The following CNTN6 variants were observed in gnomAD, a reference collection of about 807,000 sequenced individuals.
CNTN6 encodes the protein contactin 6.
CNTN6 carries 137 observed loss-of-function variants against 122.8 expected under a neutral mutation model. The observed-to-expected ratio is 1.12, with a 90% CI of 0.97 to 1.29. CNTN6 has a LOEUF of 1.29. CNTN6 is among the 50% of genes most tolerant of loss of function. The probability of loss-of-function intolerance (pLI) is 0.00; values close to 1 mark genes in which losing one functional copy is unlikely to be tolerated. For synonymous variants in CNTN6, 570 were observed against 426.0 expected (o/e 1.34, Z -4.16); for missense variants, 1,634 against 1,223.4 (o/e 1.34, Z -5.01).
intron 1 of CNTN6, among the ~76,000 whole-genome samples, chr3:1,117,304 A>G (rs1249097619): frequency 6.6e-6 from 1 of 152,218 alleles, no homozygotes; most frequent in African/African-American, 2.4e-5. Flanking sequence ...ACAGAAGAAC[A>G]TGGTAGCCAG....
At chr3:1,176,281 G>A (rs546261404) in intron 2 of CNTN6, among the ~76,000 whole-genome samples, 1 of 152,192 alleles carries the variant, frequency 6.6e-6, no homozygotes, top group African/African-American at 2.4e-5. Context: ...GCTGGATATG[G>A]TGGTGAATGC....
chr3:1,310,828 C>G (rs544148076), intron 7 of CNTN6, among the ~76,000 whole-genome samples: 1 of 152,138 alleles, frequency 6.6e-6, no homozygotes, highest in East Asian at 1.9e-4. Flanking sequence ...ATGGAGAAAC[C>G]CCATCTCTAC....
chr3:1,400,767 G>A (rs1695581697), intron 20 of CNTN6, among the ~76,000 whole-genome samples: 1 of 152,102 alleles, frequency 6.6e-6, no homozygotes, highest in African/African-American at 2.4e-5. Flanking sequence ...GAACAGTCAT[G>A]ATTTCTGCCG....
chr3:1,282,440 G>A (rs1208337616), intron 5 of CNTN6, among the ~76,000 whole-genome samples: 1 of 152,208 alleles, frequency 6.6e-6, no homozygotes, highest in East Asian at 1.9e-4. Context: ...AAATGTGGAA[G>A]CAGAATAGGC....
At chr3:1,380,460 C>T (rs1248313110) in intron 17 of CNTN6, among the ~76,000 whole-genome samples, 2 of 152,056 alleles carry the variant, frequency 1.3e-5, no homozygotes, top group East Asian at 3.9e-4. Flanking sequence ...ATTATTTTAT[C>T]ATAATGTGTA....
At chr3:1,388,005 A>G (rs894327170) in intron 20 of CNTN6, among the ~76,000 whole-genome samples, 11 of 152,172 alleles carry the variant, frequency 7.2e-5, no homozygotes, top group East Asian at 3.9e-4. Context: ...GCCATTGGCC[A>G]GGCTTGATTA....
At chr3:1,181,669 A>G (rs1243498667) in intron 2 of CNTN6, among the ~76,000 whole-genome samples, 1 of 152,156 alleles carries the variant, frequency 6.6e-6, no homozygotes, top group East Asian at 1.9e-4. Flanking sequence ...ACCTCTTTCT[A>G]CGGAGTATGT....
chr3:1,149,797 CA>C, intron 2 of CNTN6, among the ~76,000 whole-genome samples: 1 of 152,196 alleles, frequency 6.6e-6, no homozygotes, highest in East Asian at 1.9e-4. Flanking sequence ...ATCTTCCTGT[CA>C]AAATTCAACA....
At chr3:1,282,471 T>C (rs560501132) in intron 5 of CNTN6, among the ~76,000 whole-genome samples, 62 of 152,310 alleles carry the variant, frequency 4.1e-4, no homozygotes, top group African/African-American at 1.5e-3. Context: ...GTAATCTGAG[T>C]GGAGGAGTAT....
In CNTN6 at chr3:1,370,341, A is replaced by G. The variant is rs539065882; in HGVS notation, c.1493-1958A>G. Among the ~76,000 whole-genome samples the G allele has an allele frequency of 2.0e-5, 3 of 152,142 alleles. No individual in the cohort carries two copies. The South Asian group carries it at 6.2e-4, about 32-fold the overall frequency. On this transcript the variant is annotated intron_variant, in intron 12 of 22. Transcript: ENST00000446702. Reference sequence around the variant, plus strand: ...GGAAGGGGAACATCACACACCGGGGACTATTGTGGAGTGTGGGGAGCGGGG... The same window carrying G: ...GGAAGGGGAACATCACACACCGGGGGCTATTGTGGAGTGTGGGGAGCGGGG...
chr3:1,095,798 T>TA (rs2090497051), intron 1 of CNTN6, among the ~76,000 whole-genome samples: 1 of 152,240 alleles, frequency 6.6e-6, no homozygotes, highest in Non-Finnish European at 1.5e-5. Context: ...CACCTCAATT[T>TA]AAACTACATC....
chr3:1,238,916 G>T (rs909987232), intron 4 of CNTN6, among the ~76,000 whole-genome samples: 1 of 152,148 alleles, frequency 6.6e-6, no homozygotes, highest in Non-Finnish European at 1.5e-5. Flanking sequence ...GAAAAGAAGA[G>T]AGAAGATCCA....
intron 4 of CNTN6, among the ~76,000 whole-genome samples, chr3:1,240,745 G>A (rs1478469251): frequency 2.0e-5 from 3 of 151,888 alleles, no homozygotes; most frequent in African/African-American, 4.8e-5. Context: ...AATTTCATGT[G>A]TGTCCGTGTG....
chr3:1,202,046 C>A (rs1380655914), intron 2 of CNTN6, among the ~76,000 whole-genome samples: 2 of 152,098 alleles, frequency 1.3e-5, no homozygotes, highest in Non-Finnish European at 1.5e-5. Flanking sequence ...AAAATAATAA[C>A]CTTAATCTTT....
At chr3:1,309,273 C>T (rs1698858056) in intron 7 of CNTN6, among the ~76,000 whole-genome samples, 1 of 152,118 alleles carries the variant, frequency 6.6e-6, no homozygotes, top group Admixed American at 6.6e-5. Context: ...TTATGTTTTG[C>T]ATTTTCATTG....
intron 20 of CNTN6, among the ~76,000 whole-genome samples, chr3:1,390,333 G>A (rs1228750725): frequency 6.6e-6 from 1 of 151,822 alleles, no homozygotes; most frequent in South Asian, 2.1e-4. Context: ...CGAAATGAAG[G>A]CAGAAATAAA....
intron 5 of CNTN6, among the ~76,000 whole-genome samples, chr3:1,280,713 C>T (rs1693252523): frequency 6.6e-6 from 1 of 151,936 alleles, no homozygotes; most frequent in Non-Finnish European, 1.5e-5. Flanking sequence ...GATCTGCCCA[C>T]CTCGGCCTCC....
chr3:1,108,569 G>A (rs2091336432), intron 1 of CNTN6, among the ~76,000 whole-genome samples: 2 of 152,090 alleles, frequency 1.3e-5, no homozygotes, highest in South Asian at 4.1e-4. Context: ...TGCTCAAACT[G>A]TAATATCATT....
chr3:1,148,063 G>A lies in CNTN6; in HGVS notation c.55G>A (p.Gly19Ser). 3 of 1,604,518 alleles carry A rather than the reference G, an allele frequency of 1.9e-6. No homozygotes were observed. The highest frequency in any genetic ancestry group is 2.6e-6 in the Non-Finnish European group (3 of 1,172,596). The change falls in exon 2 of 23, where the codon GGT becomes AGT. Residue 19 changes from glycine (G) to serine (S), a missense_variant and splice_region_variant. By Grantham distance (56) the Gly-to-Ser change is moderately conservative. Transcript: ENST00000446702. Reference protein sequence around the residue: ...ILLPLINSSAGDGLLSRPIFT... With the variant: ...ILLPLINSSASDGLLSRPIFT... ...GCTGCCACTCATAAACTCTTCTGCAGGTAAAGTGTTCTATTATTATAAGTT... is the reference window on the plus strand; with the variant it reads ...GCTGCCACTCATAAACTCTTCTGCAAGTAAAGTGTTCTATTATTATAAGTT...
Sources: gnomAD v4.1 joint callset for allele counts (sites outside exome capture counted in the v4.1 genomes callset) on GRCh38, gnomAD v4.1.1 for gene constraint, MANE v1.5 for transcripts, NCBI Gene and HGNC (gene_info 2026-07-23, HGNC 2026-07-21) for gene names.